MTG1: variants seen among roughly 807,000 people sequenced by gnomAD.
MTG1 encodes the protein mitochondrial ribosome associated GTPase 1, also known as mitochondrial ribosome-associated GTPase 1.
In MTG1, 30 loss-of-function variants were observed where a neutral mutation model predicts 39.5. The ratio of observed to expected loss-of-function variants is 0.76; its 90% CI spans 0.57 to 1.03. The LOEUF is 1.03. Ranked by LOEUF, MTG1 falls within the 50% of genes least tolerant of loss-of-function variation. The pLI is 0.00. For synonymous variants in MTG1, 217 were observed against 179.0 expected (o/e 1.21, Z -1.69); for missense variants, 513 against 447.4 (o/e 1.15, Z -1.32).
chr10:133,398,355 G>A (rs1849819344), intron 3 of MTG1, 80 bp from the exon 4 acceptor site: 2 of 1,409,690 alleles, frequency 1.4e-6, no homozygotes, highest in Admixed American at 1.9e-5. Flanking sequence ...AGCCGAGATT[G>A]TGCTACTGCA....
intron 6 of MTG1, among the ~76,000 whole-genome samples, chr10:133,400,789 TTC>T (rs1849863307): frequency 6.6e-6 from 1 of 152,202 alleles, no homozygotes; most frequent in South Asian, 2.1e-4. Flanking sequence ...TCGTTCCACT[TTC>T]TGTCTGTGAA....
At chr10:133,404,321 T>G (rs1447026638) in intron 9 of MTG1, among the ~76,000 whole-genome samples, 1 of 151,814 alleles carries the variant, frequency 6.6e-6, no homozygotes, top group Non-Finnish European at 1.5e-5. Flanking sequence ...GAGACAGGGT[T>G]TCCCCATGTT....
chr10:133,394,609 C>T (rs1849753456), intron 1 of MTG1: 1 of 1,295,068 alleles, frequency 7.7e-7, no homozygotes, highest in South Asian at 2.1e-5. Context: ...TGGCCCGCCG[C>T]CCCTGTCCTC....
chr10:133,394,837 G>A, intron 1 of MTG1: 2 of 752,894 alleles, frequency 2.7e-6, no homozygotes, highest in Non-Finnish European at 3.2e-6. Context: ...GAAGACCTCT[G>A]GGGCCAGCCC....
Position 133,395,719 on chromosome 10 carries a change from A to G in MTG1, c.119A>G (p.Lys40Arg). ...GCGTCCTTCTGTTTTCCAGGGCTGAAGAAGATGCAGAGCAGCCTGAAGCTG... is the reference window on the plus strand; with the variant it reads ...GCGTCCTTCTGTTTTCCAGGGCTGAGGAAGATGCAGAGCAGCCTGAAGCTG... ...WFPGHMAKGL[K>R]KMQSSLKLVD... The change falls in exon 2 of 11, where the codon AAG becomes AGG. Residue 40 changes from lysine to arginine, a missense_variant. Lys to Arg is a conservative substitution (Grantham distance 26). Transcript: ENST00000317502. The G allele has an allele frequency of 1.2e-6, 2 of 1,614,050 alleles. No individual in the cohort carries two copies. Among genetic ancestry groups the G allele is most frequent in the African/African-American group, 2.7e-5 (2 of 75,058 alleles).
At position 133,421,707 on chromosome 10, in the gene MTG1, C is replaced by G. The variant is rs1383841121; in HGVS notation, c.*1542C>G. 1 of 152,988 alleles carries G rather than the reference C, an allele frequency of 6.5e-6. No homozygotes were observed. The highest frequency in any genetic ancestry group is 1.5e-5 in the Non-Finnish European group (1 of 68,380). 9.5% of individuals were successfully genotyped at this position (152,988 alleles called of 1,614,324 possible). On this transcript the variant is annotated 3_prime_UTR_variant, in exon 11 of 11. Transcript: ENST00000317502. ...AGAGCAGTGCTTGGTTGAGTCCTGC[C>G]AACAGCTTCCAGATCCTCACCCAGG...
intron 6 of MTG1, 95 bp from the exon 7 acceptor site, chr10:133,401,434 C>T (rs902657390): frequency 1.2e-5 from 12 of 1,032,564 alleles, no homozygotes; most frequent in African/African-American, 3.2e-5. Context: ...CCCTGCTTGG[C>T]TGGTCAGATG....
chr10:133,413,903 T>G (rs1197253771), intron 9 of MTG1, among the ~76,000 whole-genome samples: 2 of 151,958 alleles, frequency 1.3e-5, no homozygotes, highest in Non-Finnish European at 2.9e-5. Flanking sequence ...TTCTCATTTC[T>G]TTGTGTTTTC....
At chr10:133,416,649 C>T (rs1163688786) in intron 9 of MTG1, among the ~76,000 whole-genome samples, 6 of 142,384 alleles carry the variant, frequency 4.2e-5, no homozygotes, top group South Asian at 2.3e-4. Context: ...TGAGAATATG[C>T]GGTGTTTGGT....
At chr10:133,417,701 T>C (rs1850152078) in intron 9 of MTG1, among the ~76,000 whole-genome samples, 1 of 152,146 alleles carries the variant, frequency 6.6e-6, no homozygotes, top group Non-Finnish European at 1.5e-5. Context: ...AAAATCAATG[T>C]ACAAAAATCA....
chr10:133,413,583 TC>T (rs762879467), intron 9 of MTG1, among the ~76,000 whole-genome samples: 5 of 152,218 alleles, frequency 3.3e-5, no homozygotes, highest in Non-Finnish European at 7.3e-5. Flanking sequence ...TTTTCCTCTC[TC>T]TTGCCTCTTT....
intron 9 of MTG1, among the ~76,000 whole-genome samples, chr10:133,414,372 C>T (rs1451203393): frequency 2.6e-5 from 4 of 152,234 alleles, no homozygotes. Flanking sequence ...ACCTTTCCCC[C>T]TTCTCTATTC....
In MTG1 at chr10:133,419,486, G is replaced by T; in HGVS notation, c.759G>T (p.Val253=). ...TLNKHQRFGY[V]QHYGLGSACD... ...ACCTGCAGCCTATGTGCAGGTACGT[G>T]CAGCACTACGGCCTGGGCAGTGCCT... Residue 253 remains valine, a synonymous_variant, in exon 10 of 11, where the codon GTG becomes GTT. Transcript: ENST00000317502. 2 of 1,597,504 alleles carry T rather than the reference G, an allele frequency of 1.3e-6. No individual in the cohort carries two copies.
rs764833960 is a variant in MTG1, at chr10:133,399,554, T to C, written c.446T>C (p.Ile149Thr). ...KENLEYCIMV[I>T]GVPNVGKSSL... The stretch of plus-strand genomic sequence containing the variant: ...AACCTGGAGTACTGTATCATGGTCA[T>C]TGGGGTCCCCAACGTGGGCAAGTCC... The change falls in exon 6 of 11, where the codon ATT (isoleucine) becomes ACT (threonine). Residue 149 changes from isoleucine to threonine, a missense_variant. Coordinates refer to ENST00000317502, the MANE Select transcript of MTG1 (RefSeq NM_138384.4). The C allele has an allele frequency of 2.2e-5, 35 of 1,614,074 alleles. No homozygotes were observed. The highest frequency in any genetic ancestry group is 1.5e-4 in the African/African-American group (11 of 74,928).
chr10:133,415,273 G>GT (rs1850108751), intron 9 of MTG1, among the ~76,000 whole-genome samples: 1 of 152,220 alleles, frequency 6.6e-6, no homozygotes, highest in African/African-American at 2.4e-5. Context: ...ATTTCTTTGT[G>GT]TAGGTCCAGG....
chr10:133,398,912 G>T (rs1379146097), intron 4 of MTG1, among the ~76,000 whole-genome samples: 2 of 152,188 alleles, frequency 1.3e-5, no homozygotes, highest in Admixed American at 6.5e-5. Context: ...CCAGAGCTCA[G>T]TCTGACATCT....
intron 9 of MTG1, among the ~76,000 whole-genome samples, chr10:133,410,401 ATAT>A (rs1850027993): frequency 1.3e-5 from 2 of 152,044 alleles, no homozygotes; most frequent in Admixed American, 1.3e-4. Flanking sequence ...TTTGCTTTCA[ATAT>A]TATTATGGAT....
intron 9 of MTG1, among the ~76,000 whole-genome samples, chr10:133,416,560 C>G (rs1242909982): frequency 2.7e-5 from 3 of 109,610 alleles, no homozygotes; most frequent in African/African-American, 6.9e-5. Context: ...CCCCTCCCCC[C>G]ACCCCACAAC....
rs1021167165 is a variant in MTG1 at position 133,408,012 on chromosome 10, A to G, written c.752+5239A>G. Among the ~76,000 whole-genome samples, 5 of 152,194 alleles carry G rather than the reference A, an allele frequency of 3.3e-5. No homozygotes were observed. The East Asian group carries it at 5.8e-4, about 18-fold the overall frequency. ...CCCAATATAAGATTGTCATCTGTGA[A>G]TAAGGATAATTTTGACTTCTTCCTC... On this transcript the variant is annotated intron_variant, in intron 9 of 10. Transcript: ENST00000317502.
Sources: gnomAD v4.1 joint callset for allele counts (sites outside exome capture counted in the v4.1 genomes callset) on GRCh38, gnomAD v4.1.1 for gene constraint, MANE v1.5 for transcripts, NCBI Gene and HGNC (gene_info 2026-07-23, HGNC 2026-07-21) for gene names.